THSD7A: variants seen among roughly 807,000 people sequenced by gnomAD.
THSD7A encodes the protein thrombospondin type 1 domain containing 7A.
THSD7A carries 96 observed loss-of-function variants against 231.3 expected under a neutral mutation model. The observed-to-expected ratio is 0.41, with a 90% CI of 0.35 to 0.49. The LOEUF is 0.49. Among genes scored for constraint, THSD7A ranks in the 20% least tolerant of loss-of-function variants. The probability of loss-of-function intolerance (pLI) is 0.05; values close to 1 mark genes in which losing one functional copy is unlikely to be tolerated. For synonymous variants in THSD7A, 940 were observed against 743.3 expected (o/e 1.26, Z -4.30); for missense variants, 2,290 against 2,070.2 (o/e 1.11, Z -2.06).
intron 1 of THSD7A, among the ~76,000 whole-genome samples, chr7:11,735,842 C>T (rs1349428829): frequency 6.6e-6 from 1 of 151,774 alleles, no homozygotes. Flanking sequence ...AATTGACATA[C>T]TTAGTAGACA....
In THSD7A at chr7:11,593,214, G is replaced by A. The variant is rs187629309; in HGVS notation, c.1271+40C>T. 3.1e-6 allele frequency: 5 copies of A among 1,600,694 alleles called. No individual in the cohort carries two copies. In the East Asian group the frequency reaches 6.7e-5, roughly 21 times the overall value. ...GTCAAAATCAAATAGCTGAGCAAAT[G>A]TAGTTTCGGCAGACGCTATACCCTT... is the stretch of plus-strand genomic sequence containing the variant. On this transcript the variant is annotated intron_variant, in intron 3 of 27. Transcript: ENST00000423059.
chr7:11,425,110 A>T (rs533148394), intron 15 of THSD7A, among the ~76,000 whole-genome samples: 2 of 152,106 alleles, frequency 1.3e-5, no homozygotes, highest in Non-Finnish European at 2.9e-5. Context: ...GCTGACCCTT[A>T]ACACACCGTA....
chr7:11,693,608 A>T (rs1656023735), intron 1 of THSD7A, among the ~76,000 whole-genome samples: 1 of 151,472 alleles, frequency 6.6e-6, no homozygotes. Context: ...TATAATAGAA[A>T]AGTAGTGGGC....
intron 6 of THSD7A, among the ~76,000 whole-genome samples, chr7:11,485,335 C>A (rs1198227443): frequency 6.6e-6 from 1 of 152,170 alleles, no homozygotes; most frequent in Non-Finnish European, 1.5e-5. Flanking sequence ...AAAACAAATT[C>A]ATCTGGACTT....
intron 6 of THSD7A, among the ~76,000 whole-genome samples, chr7:11,530,776 C>T (rs557188430): frequency 2.0e-5 from 3 of 152,130 alleles, no homozygotes; most frequent in East Asian, 1.9e-4. Context: ...TTTGGGAGGC[C>T]GAGGTGGGCA....
intron 6 of THSD7A, among the ~76,000 whole-genome samples, chr7:11,517,738 G>A (rs1788092548): frequency 6.6e-6 from 1 of 152,166 alleles, no homozygotes; most frequent in African/African-American, 2.4e-5. Flanking sequence ...TAATTTTATA[G>A]TAGGTTTATT....
At chr7:11,384,196 GA>G (rs1782638253) in intron 23 of THSD7A, 1 of 151,582 alleles carries the variant, frequency 6.6e-6, no homozygotes, top group Non-Finnish European at 1.5e-5. Flanking sequence ...TGTCAGAAAA[GA>G]ACAGTTCTTT....
chr7:11,550,934 C>G (rs538609387), intron 4 of THSD7A, among the ~76,000 whole-genome samples: 2 of 152,150 alleles, frequency 1.3e-5, no homozygotes, highest in East Asian at 3.9e-4. Flanking sequence ...ATCACACTCC[C>G]CACTTCAAAC....
intron 2 of THSD7A, among the ~76,000 whole-genome samples, chr7:11,600,286 T>A (rs1584058608): frequency 6.6e-6 from 1 of 152,162 alleles, no homozygotes; most frequent in South Asian, 2.1e-4. Context: ...TTCAAGTACA[T>A]CCACTTTTCT....
intron 24 of THSD7A, among the ~76,000 whole-genome samples, chr7:11,382,256 ATTAT>A (rs1287948921): frequency 1.3e-5 from 2 of 152,242 alleles, no homozygotes; most frequent in Admixed American, 6.5e-5. Flanking sequence ...ATTTATAACA[ATTAT>A]TTATTAGAAT....
chr7:11,764,315 C>T (rs1409047866), intron 1 of THSD7A, among the ~76,000 whole-genome samples: 2 of 152,040 alleles, frequency 1.3e-5, no homozygotes, highest in African/African-American at 4.8e-5. Context: ...GGCATGGTGG[C>T]TCATGCCTGT....
chr7:11,759,387 A>T (rs1006167732), intron 1 of THSD7A, among the ~76,000 whole-genome samples: 4 of 152,112 alleles, frequency 2.6e-5, no homozygotes, highest in African/African-American at 9.7e-5. Flanking sequence ...CAGATGAGAT[A>T]CAGGAGAAGA....
At chr7:11,523,606 A>G (rs1788355437) in intron 6 of THSD7A, among the ~76,000 whole-genome samples, 1 of 152,148 alleles carries the variant, frequency 6.6e-6, no homozygotes, top group South Asian at 2.1e-4. Flanking sequence ...GAAAGTTAAT[A>G]ATAGAGAAGG....
chr7:11,793,813 T>G (rs1026233467), intron 1 of THSD7A, among the ~76,000 whole-genome samples: 1 of 151,984 alleles, frequency 6.6e-6, no homozygotes, highest in African/African-American at 2.4e-5. Context: ...CATGTTGCTT[T>G]GGACTTCCAA....
intron 6 of THSD7A, among the ~76,000 whole-genome samples, chr7:11,483,728 C>T (rs1248075076): frequency 6.6e-6 from 1 of 151,902 alleles, no homozygotes; most frequent in African/African-American, 2.4e-5. Context: ...ATTGTACCAT[C>T]TACCTTCTCT....
At chr7:11,781,108 A>G (rs1460143505) in intron 1 of THSD7A, among the ~76,000 whole-genome samples, 1 of 151,030 alleles carries the variant, frequency 6.6e-6, no homozygotes, top group Non-Finnish European at 1.5e-5. Flanking sequence ...GTATGAGCCA[A>G]TAGAAGTATA....
chr7:11,675,337 G>T (rs193281286), intron 1 of THSD7A, among the ~76,000 whole-genome samples: 1,706 of 152,198 alleles, frequency 0.011, 21 homozygotes, highest in African/African-American at 0.039. Context: ...CAAAACTGGG[G>T]GGCCATTTGG....
chr7:11,453,357 A>C (rs1785204012), intron 11 of THSD7A, among the ~76,000 whole-genome samples: 1 of 151,116 alleles, frequency 6.6e-6, no homozygotes, highest in Non-Finnish European at 1.5e-5. Flanking sequence ...CTCCTTTTGT[A>C]ATCTTTTTAA....
chr7:11,605,385 T>C (rs1780700434), intron 2 of THSD7A, among the ~76,000 whole-genome samples: 1 of 152,102 alleles, frequency 6.6e-6, no homozygotes, highest in South Asian at 2.1e-4. Flanking sequence ...GTTTAACATC[T>C]GCAGTCTAGG....
Sources: allele counts gnomAD v4.1 joint callset (sites outside exome capture counted in the v4.1 genomes callset), GRCh38; gene constraint gnomAD v4.1.1; transcripts MANE v1.5; gene names NCBI Gene and HGNC (gene_info 2026-07-23, HGNC 2026-07-21).